Variants in MAP7 observed in about 807,000 individuals in gnomAD.
MAP7 encodes the protein ensconsin.
Under a neutral mutation model 94.8 loss-of-function variants are expected in MAP7, and 52 were observed. That is an observed-to-expected ratio of 0.55 (90% CI 0.44 to 0.69). The LOEUF is 0.69. MAP7 is among the 30% of genes least tolerant of loss of function. MAP7 has a pLI of 0.00. For missense variants in MAP7, 940 were observed against 964.6 expected (o/e 0.97, Z 0.34); for synonymous variants, 350 against 357.0 (o/e 0.98, Z 0.22).
At chr6:136,439,133 C>A (rs1266417564) in intron 1 of MAP7, among the ~76,000 whole-genome samples, 1 of 152,166 alleles carries the variant, frequency 6.6e-6, no homozygotes, top group East Asian at 1.9e-4. Context: ...ATGTATCAAA[C>A]CAAAATACGG....
At position 136,360,251 on chromosome 6, in the gene MAP7, G is replaced by A. The variant is rs1221427911; in HGVS notation, c.1804-220C>T. 2.6e-5 allele frequency among the ~76,000 whole-genome samples: 4 copies of A among 151,886 alleles called. No homozygotes were observed. The East Asian group carries it at 7.8e-4, about 30-fold the overall frequency. On this transcript the variant is annotated intron_variant, in intron 13 of 17. Coordinates refer to ENST00000354570, the MANE Select transcript of MAP7 (RefSeq NM_003980.6). ...TCACTGTAGCCTCTGCCTCCTGGGC[G>A]CAAGCTGCCTCAGTCTCCCAGGTAG...
chr6:136,456,767 GGAAGAAGAAGAA>G (rs1554259489), intron 1 of MAP7, among the ~76,000 whole-genome samples: 2 of 60,520 alleles, frequency 3.3e-5, no homozygotes, highest in African/African-American at 7.3e-5. Flanking sequence ...AGGAGGAGGA[GGAAGAAGAAGAA>G]GAAGAAGAAG....
intron 10 of MAP7, among the ~76,000 whole-genome samples, chr6:136,363,924 T>C (rs1793546783): frequency 6.6e-6 from 1 of 152,238 alleles, no homozygotes; most frequent in Non-Finnish European, 1.5e-5. Context: ...TATTCTGACT[T>C]AGTAAGTCTG....
At chr6:136,484,660 GCTTAAACTGTGATTAAT>G (rs113805002) in intron 1 of MAP7, among the ~76,000 whole-genome samples, 4 of 152,192 alleles carry the variant, frequency 2.6e-5, no homozygotes, top group African/African-American at 9.6e-5. Context: ...TCATAATATT[GCTTAAACTGTGATTAAT>G]CTTAAACTGT....
At chr6:136,510,545 G>A (rs1218462479) in intron 1 of MAP7, among the ~76,000 whole-genome samples, 2 of 152,126 alleles carry the variant, frequency 1.3e-5, no homozygotes, top group African/African-American at 4.8e-5. Context: ...TTCAGAAGGT[G>A]TGAGGCTTTT....
chr6:136,536,263 A>C (rs1444463013), intron 1 of MAP7, among the ~76,000 whole-genome samples: 2 of 152,138 alleles, frequency 1.3e-5, no homozygotes, highest in Non-Finnish European at 2.9e-5. Flanking sequence ...TTTTCCATAA[A>C]TACGTCTTCT....
intron 1 of MAP7, among the ~76,000 whole-genome samples, chr6:136,436,848 C>T (rs1473877943): frequency 2.0e-5 from 3 of 152,174 alleles, no homozygotes; most frequent in African/African-American, 4.8e-5. Flanking sequence ...CTATAGCTCA[C>T]CAAATTGATT....
At chr6:136,354,145 TCTA>T (rs1432428152) in intron 16 of MAP7, among the ~76,000 whole-genome samples, 5 of 139,868 alleles carry the variant, frequency 3.6e-5, no homozygotes, top group South Asian at 2.1e-4. Flanking sequence ...AATATATACA[TCTA>T]CTATATATAA....
chr6:136,421,829 A>C, intron 1 of MAP7, 30 bp from the exon 2 acceptor site: 2 of 1,532,188 alleles, frequency 1.3e-6, no homozygotes, highest in Non-Finnish European at 1.8e-6. Flanking sequence ...GAGAAAAGAC[A>C]CATTTAGTTT....
chr6:136,427,062 T>A (rs1278294060), intron 1 of MAP7, among the ~76,000 whole-genome samples: 1 of 152,238 alleles, frequency 6.6e-6, no homozygotes, highest in Admixed American at 6.5e-5. Flanking sequence ...TACCAAGAGA[T>A]AAGTATTTGA....
chr6:136,377,077 G>C (rs557438533), intron 7 of MAP7, among the ~76,000 whole-genome samples: 1 of 150,704 alleles, frequency 6.6e-6, no homozygotes, highest in Non-Finnish European at 1.5e-5. Context: ...TAGGCTTACC[G>C]ACTAGATGTA....
chr6:136,541,141 G>T (rs1257760144), intron 1 of MAP7, among the ~76,000 whole-genome samples: 1 of 152,140 alleles, frequency 6.6e-6, no homozygotes, highest in South Asian at 2.1e-4. Context: ...CTTGGGTCAG[G>T]AGCTTCTGAG....
intron 1 of MAP7, among the ~76,000 whole-genome samples, chr6:136,519,736 C>T (rs1825857020): frequency 6.6e-6 from 1 of 152,106 alleles, no homozygotes; most frequent in African/African-American, 2.4e-5. Flanking sequence ...CCACTGTGTC[C>T]CGATCTCAAG....
At chr6:136,535,713 T>C (rs1276594220) in intron 1 of MAP7, among the ~76,000 whole-genome samples, 1 of 148,102 alleles carries the variant, frequency 6.8e-6, no homozygotes, top group Admixed American at 6.7e-5. Context: ...GCTTTTTTTT[T>C]CTTTTTTTTT....
chr6:136,378,638 C>T (rs1216162330), intron 6 of MAP7, among the ~76,000 whole-genome samples: 3 of 152,086 alleles, frequency 2.0e-5, no homozygotes, highest in Admixed American at 1.3e-4. Context: ...CCTAAGAAGT[C>T]TAGAAAACAA....
At chr6:136,351,252 A>C (rs968682806) in intron 16 of MAP7, among the ~76,000 whole-genome samples, 13 of 151,752 alleles carry the variant, frequency 8.6e-5, no homozygotes, top group African/African-American at 3.1e-4. Context: ...AAAAAAAAAA[A>C]ACGAAAAAAC....
chr6:136,394,931 C>CATATATATATATATAT (rs144839767), intron 3 of MAP7, among the ~76,000 whole-genome samples: 346 of 27,432 alleles, frequency 0.013, 47 homozygotes, highest in South Asian at 0.021. Context: ...AATATTCCAT[C>CATATATATATATATAT]ATATATATAT....
chr6:136,548,842 G>A lies in MAP7; in HGVS notation c.67+1500C>T, dbSNP rs117330281. Among the ~76,000 whole-genome samples, 739 of 152,310 alleles carry A rather than the reference G, an allele frequency of 4.9e-3. 4 individuals are homozygous for A. The highest frequency in any genetic ancestry group is 0.039 in the East Asian group (202 of 5,180). ...CAGGGTTAGGAACGAAAATCATGCC[G>A]TATATTTACAAATGAGGATGCTCCT... On this transcript the variant is annotated intron_variant, in intron 1 of 17. Coordinates refer to ENST00000354570, the MANE Select transcript of MAP7 (RefSeq NM_003980.6).
intron 8 of MAP7, among the ~76,000 whole-genome samples, chr6:136,370,891 T>C (rs1158033472): frequency 7.5e-6 from 1 of 133,556 alleles, no homozygotes; most frequent in Non-Finnish European, 1.6e-5. Flanking sequence ...AAATGGTAAA[T>C]TTTACGTTAC....
Sources: allele counts gnomAD v4.1 joint callset (sites outside exome capture counted in the v4.1 genomes callset), GRCh38; gene constraint gnomAD v4.1.1; transcripts MANE v1.5; gene names NCBI Gene and HGNC (gene_info 2026-07-23, HGNC 2026-07-21).